The following PLGRKT variants were observed in gnomAD, a reference collection of about 807,000 sequenced individuals.
PLGRKT encodes plasminogen receptor with a C-terminal lysine, also known as plasminogen receptor (KT).
A neutral mutation model predicts 18.5 loss-of-function variants in PLGRKT; 22 were observed. The observed-to-expected ratio is 1.19, with a 90% confidence interval of 0.85 to 1.70. The LOEUF is 1.70. PLGRKT is among the 40% of genes most tolerant of loss of function. The pLI, the probability that PLGRKT is intolerant of heterozygous loss-of-function variation, is 0.00. For missense variants in PLGRKT, 235 were observed against 174.4 expected (o/e 1.35, Z -1.96); for synonymous variants, 72 against 52.8 (o/e 1.36, Z -1.58).
intron 3 of PLGRKT, among the ~76,000 whole-genome samples, chr9:5,409,216 G>A (rs1043972367): frequency 1.3e-5 from 2 of 152,192 alleles, no homozygotes; most frequent in African/African-American, 4.8e-5. Context: ...TTAATCCTGG[G>A]TATATCTGTG....
chr9:5,365,410 G>A (rs753892545), intron 3 of PLGRKT, among the ~76,000 whole-genome samples: 1 of 152,172 alleles, frequency 6.6e-6, no homozygotes, highest in Non-Finnish European at 1.5e-5. Flanking sequence ...AAATGGAGAA[G>A]AGACAAATAT....
chr9:5,366,237 G>C (rs1232578022), intron 3 of PLGRKT, among the ~76,000 whole-genome samples: 1 of 152,104 alleles, frequency 6.6e-6, no homozygotes, highest in Non-Finnish European at 1.5e-5. Context: ...CTTTAACTAT[G>C]TGTACATTCA....
At chr9:5,433,869 C>T (rs572832299) in intron 2 of PLGRKT, among the ~76,000 whole-genome samples, 4 of 143,462 alleles carry the variant, frequency 2.8e-5, no homozygotes, top group Admixed American at 1.4e-4. Flanking sequence ...CGCCTTTGCC[C>T]GGCCGCCCCG....
intron 3 of PLGRKT, among the ~76,000 whole-genome samples, chr9:5,424,134 C>A: frequency 7.3e-6 from 1 of 137,236 alleles, no homozygotes. Context: ...ATATATATTA[C>A]ATATATTATA....
intron 3 of PLGRKT, among the ~76,000 whole-genome samples, chr9:5,367,208 A>G (rs1357908991): frequency 2.6e-5 from 4 of 152,124 alleles, no homozygotes; most frequent in African/African-American, 9.7e-5. Context: ...CTATCAAACT[A>G]CCAACATCAT....
chr9:5,359,895 A>G (rs942763454), intron 5 of PLGRKT, among the ~76,000 whole-genome samples: 5 of 152,232 alleles, frequency 3.3e-5, no homozygotes, highest in Non-Finnish European at 5.9e-5. Context: ...CACGTGTTAT[A>G]CATGTTCACT....
rs567992064 is a variant in PLGRKT, at chr9:5,411,453, C to G, written c.81+20444G>C. Among the ~76,000 whole-genome samples, 4 of 151,618 alleles carry G rather than the reference C, an allele frequency of 2.6e-5. No homozygotes were observed. The East Asian group carries it at 7.8e-4, about 29-fold the overall frequency. Reference sequence around the variant, plus strand: ...TTGAGCATCTACTCTGCTACATGAACCAATTCTTGGGTATCCTTCTCCCCA... The same window carrying G: ...TTGAGCATCTACTCTGCTACATGAAGCAATTCTTGGGTATCCTTCTCCCCA... On this transcript the variant is annotated intron_variant, in intron 3 of 5. Coordinates refer to ENST00000223864, the MANE Select transcript of PLGRKT (RefSeq NM_018465.4).
At chr9:5,420,292 T>C (rs910592227) in intron 3 of PLGRKT, among the ~76,000 whole-genome samples, 7 of 152,168 alleles carry the variant, frequency 4.6e-5, no homozygotes, top group African/African-American at 1.7e-4. Flanking sequence ...GGTTTCCTTT[T>C]GGAGTGATGA....
rs546592767 is a variant in PLGRKT, at chr9:5,360,959, T to A, written c.322+119A>T. On this transcript the variant is annotated intron_variant, in intron 5 of 5. Transcript: ENST00000223864. ...TGAAAGGGAGCAGAAATGTTGCTCA[T>A]TGGAGGTTCAAAGAGAGAGTCTTGT... is the stretch of plus-strand genomic sequence containing the variant. The A allele has an allele frequency of 4.5e-5, 28 of 617,646 alleles. No homozygotes were observed. The East Asian group carries it at 6.9e-4, about 15-fold the overall frequency. The allele number at this position is 617,646 out of a possible 1,614,324, so 38.3% of individuals were successfully genotyped here.
intron 5 of PLGRKT, among the ~76,000 whole-genome samples, chr9:5,358,670 A>T (rs1283564064): frequency 6.6e-6 from 1 of 152,214 alleles, no homozygotes; most frequent in Non-Finnish European, 1.5e-5. Flanking sequence ...GTTTGGAGGG[A>T]TTTGGGTAGA....
At chr9:5,386,491 C>T (rs1038203206) in intron 3 of PLGRKT, among the ~76,000 whole-genome samples, 1 of 151,718 alleles carries the variant, frequency 6.6e-6, no homozygotes, top group Non-Finnish European at 1.5e-5. Flanking sequence ...ATGCAGTGGA[C>T]CCCCACACAC....
At chr9:5,410,493 T>C (rs1036605368) in intron 3 of PLGRKT, among the ~76,000 whole-genome samples, 5 of 118,438 alleles carry the variant, frequency 4.2e-5, no homozygotes, top group African/African-American at 1.5e-4. Flanking sequence ...AGCAAGACTC[T>C]GTCTCAAAAA....
chr9:5,437,753 C>G (rs571287890), intron 1 of PLGRKT, 36 bp downstream of exon 1: 1 of 152,394 alleles, frequency 6.6e-6, no homozygotes, highest in East Asian at 1.9e-4. Context: ...CGGGCTGACC[C>G]TTCTCCCCAC....
rs574240105 is a variant in PLGRKT at position 5,402,721 on chromosome 9, G to C, written c.81+29176C>G. On this transcript the variant is annotated intron_variant, in intron 3 of 5. Transcript: ENST00000223864. ...GTCTCCACCCAACTTATGTCAAATA[G>C]TGATCTGAATCAGCATGACAGACTA... Among the ~76,000 whole-genome samples the C allele has an allele frequency of 2.7e-4, 41 of 152,072 alleles. 1 individual carries two copies. Among genetic ancestry groups the C allele is most frequent in the African/African-American group, 9.4e-4 (39 of 41,332 alleles).
chr9:5,401,617 T>C (rs1357261916), intron 3 of PLGRKT, among the ~76,000 whole-genome samples: 2 of 151,868 alleles, frequency 1.3e-5, no homozygotes, highest in Non-Finnish European at 2.9e-5. Flanking sequence ...AAACAATATA[T>C]ACTACTTATA....
intron 3 of PLGRKT, among the ~76,000 whole-genome samples, chr9:5,429,773 G>C (rs1818784141): frequency 6.6e-6 from 1 of 152,134 alleles, no homozygotes; most frequent in Non-Finnish European, 1.5e-5. Context: ...TATGAATTTG[G>C]AGACAGGAGA....
chr9:5,362,900 C>G (rs138579940), intron 3 of PLGRKT, among the ~76,000 whole-genome samples: 1 of 152,018 alleles, frequency 6.6e-6, no homozygotes, highest in Non-Finnish European at 1.5e-5. Context: ...TTGCTTCCTG[C>G]GGAGAATTCT....
intron 3 of PLGRKT, among the ~76,000 whole-genome samples, chr9:5,416,660 G>C (rs1043690083): frequency 4.6e-5 from 7 of 151,690 alleles, no homozygotes; most frequent in African/African-American, 9.7e-5. Context: ...AAAAAAAAAA[G>C]CTTTCTGATG....
At chr9:5,419,391 G>C (rs1586739571) in intron 3 of PLGRKT, among the ~76,000 whole-genome samples, 1 of 152,236 alleles carries the variant, frequency 6.6e-6, no homozygotes, top group South Asian at 2.1e-4. Context: ...AATTGAGACT[G>C]AGCTTTCTTC....
Sources: gnomAD v4.1 joint callset for allele counts (sites outside exome capture counted in the v4.1 genomes callset) on GRCh38, gnomAD v4.1.1 for gene constraint, MANE v1.5 for transcripts, NCBI Gene and HGNC (gene_info 2026-07-23, HGNC 2026-07-21) for gene names.